INCENP: variants seen among roughly 807,000 people sequenced by gnomAD.
INCENP encodes binds and activates aurora-B and -C in vivo and in vitro.
In INCENP, 43 loss-of-function variants were observed where a neutral mutation model predicts 107.3. The observed-to-expected ratio is 0.40, with a 90% CI of 0.31 to 0.52. The LOEUF (loss-of-function observed/expected upper bound fraction) is 0.52, where lower values mean the gene tolerates loss of function less well. INCENP is among the 20% of genes least tolerant of loss of function. The probability of loss-of-function intolerance (pLI) is 0.53; values close to 1 mark genes in which losing one functional copy is unlikely to be tolerated. For synonymous variants in INCENP, 488 were observed against 494.4 expected, an observed-to-expected ratio of 0.99 and a Z score of 0.17; for missense variants, 1,089 against 1,250.9, an observed-to-expected ratio of 0.87 and a Z score of 1.95.
chr11:62,129,808 G>A lies in INCENP; in HGVS notation c.281G>A (p.Ser94Asn). ...TTATCCCGCAGAAAGTCTCGGAGCA[G>A]CCAGCTGAGCTCCCGACGCCTCCGC... ...RRLSRRKSRS[S>N]QLSSRRLRSK... Residue 94 changes from serine (S) to asparagine (N), a missense_variant, in exon 4 of 19, where the codon AGC (serine) becomes AAC (asparagine). Coordinates refer to ENST00000394818, the MANE Select transcript of INCENP (RefSeq NM_001040694.2). The A allele has an allele frequency of 2.5e-6, 4 of 1,608,686 alleles. No individual in the cohort carries two copies. The highest frequency in any genetic ancestry group is 3.4e-6 in the Non-Finnish European group (4 of 1,179,150).
At chr11:62,132,361 C>G (rs1187767033) in intron 4 of INCENP, among the ~76,000 whole-genome samples, 1 of 152,194 alleles carries the variant, frequency 6.6e-6, no homozygotes, top group Admixed American at 6.5e-5. Context: ...CAGGGCCTGT[C>G]AGGCAGGGGA....
chr11:62,140,585 C>T (rs1944093532), intron 8 of INCENP, 119 bp from the exon 9 acceptor site: 2 of 852,764 alleles, frequency 2.3e-6, no homozygotes, highest in East Asian at 2.6e-5. Flanking sequence ...GCTCTGCAGC[C>T]TCTTTCAGTC....
intron 1 of INCENP, 32 bp downstream of exon 1, chr11:62,124,195 T>TG (rs1402023316): frequency 2.7e-5 from 4 of 150,794 alleles, no homozygotes; most frequent in Admixed American, 2.6e-4. Context: ...GATTGGGGGG[T>TG]GGTTCGCGAT....
intron 4 of INCENP, among the ~76,000 whole-genome samples, chr11:62,133,442 G>A (rs1223514183): frequency 1.3e-5 from 2 of 152,202 alleles, no homozygotes; most frequent in South Asian, 2.1e-4. Context: ...ACGTGCCTGC[G>A]GGGCCCATCG....
Position 62,153,132 on chromosome 11 carries a change from G to C in INCENP, c.*1156G>C, listed in dbSNP as rs543691950. 18 of 152,338 alleles carry C rather than the reference G, an allele frequency of 1.2e-4. No individual in the cohort carries two copies. Among genetic ancestry groups the C allele is most frequent in the Admixed American group, 3.9e-4 (6 of 15,302 alleles). 9.4% of individuals were successfully genotyped at this position (152,338 alleles called of 1,614,324 possible). On this transcript the variant is annotated 3_prime_UTR_variant, in exon 19 of 19. Transcript: ENST00000394818. ...AACTTTTTCAGAAGTTCTGCTTAAG[G>C]ACAAAATAAAGCCTAAATCCAAGAA...
chr11:62,151,708 TG>T, intron 18 of INCENP, 53 bp from the exon 19 acceptor site: 5 of 1,475,972 alleles, frequency 3.4e-6, no homozygotes, highest in Non-Finnish European at 3.8e-6. Context: ...GGGCAAGGGA[TG>T]GGGAGGTTCA....
rs767923801 is a variant in INCENP at position 62,130,025 on chromosome 11, G to T, written c.498G>T (p.Val166=). 4 of 1,614,052 alleles carry T rather than the reference G, an allele frequency of 2.5e-6. No individual in the cohort carries two copies. The South Asian group carries it at 4.4e-5, about 18-fold the overall frequency. ...ATAACCACACCCAGTGCCAGCTGGT[G>T]CCTGTGGTGGAGATCGGCATCAGTG... is the stretch of plus-strand genomic sequence containing the variant. ...PEDNHTQCQL[V]PVVEIGISER... Residue 166 remains valine, a synonymous_variant, in exon 4 of 19, where the codon GTG becomes GTT. Coordinates refer to ENST00000394818, the MANE Select transcript of INCENP (RefSeq NM_001040694.2).
rs191507591 is a variant in INCENP, at chr11:62,144,965, G to A, written c.1606-17G>A. On this transcript the variant is annotated splice_polypyrimidine_tract_variant and intron_variant, in intron 11 of 18. Coordinates refer to ENST00000394818, the MANE Select transcript of INCENP (RefSeq NM_001040694.2). ...TCCTTGCTCATGTCCCATCTCCCTC[G>A]CTCCCCGCCACCCCAGGAGAAGGAG... The A allele has an allele frequency of 2.8e-4, 445 of 1,583,818 alleles. 2 individuals carry two copies. In the African/African-American group the frequency reaches 5.0e-3, roughly 18 times the overall value.
At chr11:62,145,933 C>T (rs1944233943) in intron 14 of INCENP, among the ~76,000 whole-genome samples, 182 bp downstream of exon 14, 1 of 152,222 alleles carries the variant, frequency 6.6e-6, no homozygotes, top group East Asian at 1.9e-4. Flanking sequence ...ATCTGCCTCT[C>T]CTGTAGCAGC....
At position 62,128,384 on chromosome 11, in the gene INCENP, C is replaced by T. The variant is rs1800206054; in HGVS notation, c.140+83C>T. 7.4e-6 allele frequency: 11 copies of T among 1,496,048 alleles called. No individual in the cohort carries two copies. The South Asian group carries it at 1.3e-4, about 17-fold the overall frequency. 92.7% of individuals were successfully genotyped at this position (1,496,048 alleles called of 1,614,324 possible). On this transcript the variant is annotated intron_variant, in intron 2 of 18. Coordinates refer to ENST00000394818, the MANE Select transcript of INCENP (RefSeq NM_001040694.2). ...TCTTGGGGACACAACAGCCCCTCGTCCCCGCCTACCTGGCAAAACAGACAG... is the reference window on the plus strand; with the variant it reads ...TCTTGGGGACACAACAGCCCCTCGTTCCCGCCTACCTGGCAAAACAGACAG...
chr11:62,149,386 C>A (rs1792887), intron 17 of INCENP, among the ~76,000 whole-genome samples: 3,312 of 152,272 alleles, frequency 0.022, 125 homozygotes, highest in African/African-American at 0.075. Flanking sequence ...AGCATTTGAT[C>A]TATTTTCACT....
At chr11:62,124,996 G>A (rs1285072518) in intron 1 of INCENP, among the ~76,000 whole-genome samples, 2 of 152,274 alleles carry the variant, frequency 1.3e-5, no homozygotes, top group African/African-American at 4.8e-5. Flanking sequence ...ACCCTGAAAA[G>A]GACAGGAGTC....
At position 62,146,898 on chromosome 11, in the gene INCENP, G is replaced by A. The variant is rs780709537; in HGVS notation, c.2200G>A (p.Glu734Lys). Residue 734 changes from glutamate (E) to lysine (K), a missense_variant, in exon 15 of 19, where the codon GAG (glutamate) becomes AAG (lysine). Coordinates refer to ENST00000394818, the MANE Select transcript of INCENP (RefSeq NM_001040694.2). ...GCGGGAGCAGGAGCGGCTCCAGGCC[G>A]AGAGGTGAGGGACCTGCTGGCCCGC... is the stretch of plus-strand genomic sequence containing the variant. ...RRREQERLQA[E>K]RELQEREKAL... The A allele has an allele frequency of 2.1e-5, 34 of 1,601,094 alleles. No individual in the cohort carries two copies. The highest frequency in any genetic ancestry group is 2.5e-5 in the Non-Finnish European group (29 of 1,178,698).
chr11:62,144,176 A>G (rs1443409911), intron 11 of INCENP, among the ~76,000 whole-genome samples: 1 of 152,140 alleles, frequency 6.6e-6, no homozygotes, highest in Non-Finnish European at 1.5e-5. Context: ...TACTAGAAAT[A>G]CAAAAATTAG....
intron 11 of INCENP, among the ~76,000 whole-genome samples, chr11:62,143,473 G>A (rs948617882): frequency 1.3e-5 from 2 of 152,076 alleles, no homozygotes; most frequent in Admixed American, 6.6e-5. Flanking sequence ...GTTGGCTGGT[G>A]CTTCCAAGTC....
At chr11:62,136,928 G>A (rs527606900) in intron 4 of INCENP, among the ~76,000 whole-genome samples, 12 of 152,292 alleles carry the variant, frequency 7.9e-5, no homozygotes, top group African/African-American at 2.2e-4. Context: ...TTACGACCTC[G>A]TGGATCCCCC....
intron 11 of INCENP, among the ~76,000 whole-genome samples, chr11:62,143,889 G>A (rs1944177817): frequency 6.6e-6 from 1 of 152,210 alleles, no homozygotes; most frequent in Non-Finnish European, 1.5e-5. Context: ...CTTGTCCTTG[G>A]CCAGGGAGGG....
chr11:62,150,300 T>G (rs538504604), intron 18 of INCENP, 93 bp downstream of exon 18: 2 of 1,372,420 alleles, frequency 1.5e-6, no homozygotes, highest in East Asian at 4.6e-5. Context: ...GCTGCGGTGT[T>G]GGGAGGCTGC....
chr11:62,149,077 A>G (rs1323086323), intron 17 of INCENP, among the ~76,000 whole-genome samples: 1 of 152,234 alleles, frequency 6.6e-6, no homozygotes, highest in Non-Finnish European at 1.5e-5. Context: ...TTTTAAAAAA[A>G]GGGACCCTCA....
Sources: gnomAD v4.1 joint callset for allele counts (sites outside exome capture counted in the v4.1 genomes callset) on GRCh38, gnomAD v4.1.1 for gene constraint, MANE v1.5 for transcripts, NCBI Gene and HGNC (gene_info 2026-07-23, HGNC 2026-07-21) for gene names.